PCNX1: variants seen among roughly 807,000 people sequenced by gnomAD.
PCNX1 encodes the protein pecanex 1, also known as pecanex-like protein 1.
In PCNX1, 78 loss-of-function variants were observed where a neutral mutation model predicts 242.2. The observed-to-expected ratio is 0.32, with a 90% CI of 0.27 to 0.39. The LOEUF (loss-of-function observed/expected upper bound fraction) is 0.39. PCNX1 is among the 10% of genes least tolerant of loss of function. The pLI is 1.00. For synonymous variants in PCNX1, 1,024 were observed against 1,032.9 expected (o/e 0.99, Z 0.17); for missense variants, 2,581 against 2,856.5 (o/e 0.90, Z 2.20).
At chr14:71,053,353 A>G (rs534140872) in intron 24 of PCNX1, 13 of 441,054 alleles carry the variant, frequency 2.9e-5, no homozygotes, top group Non-Finnish European at 5.4e-5. Context: ...ACTCACTGCA[A>G]CCTCCGCCTC....
At chr14:70,920,206 TC>T (rs2056324351) in intron 1 of PCNX1, among the ~76,000 whole-genome samples, 1 of 152,206 alleles carries the variant, frequency 6.6e-6, no homozygotes, top group Non-Finnish European at 1.5e-5. Context: ...CCCAGTGTCC[TC>T]TAATACTAAA....
At chr14:71,066,633 G>A (rs946240862) in intron 26 of PCNX1, among the ~76,000 whole-genome samples, 3 of 152,044 alleles carry the variant, frequency 2.0e-5, no homozygotes, top group East Asian at 1.9e-4. Context: ...TGTCCAGAAC[G>A]TCCAATAGTG....
intron 6 of PCNX1, among the ~76,000 whole-genome samples, chr14:70,986,843 T>C (rs2059016288): frequency 2.6e-5 from 4 of 152,246 alleles, no homozygotes; most frequent in Admixed American, 2.6e-4. Flanking sequence ...TAATGCTTTA[T>C]AAATAATAGC....
intron 1 of PCNX1, among the ~76,000 whole-genome samples, chr14:70,910,063 CCCCT>C (rs2055777794): frequency 1.0e-5 from 1 of 98,306 alleles, no homozygotes; most frequent in African/African-American, 3.9e-5. Context: ...CCTCCTCCTC[CCCCT>C]CCTCCTCCTC....
intron 1 of PCNX1, among the ~76,000 whole-genome samples, chr14:70,916,237 G>A (rs960433757): frequency 1.2e-4 from 18 of 152,146 alleles, no homozygotes; most frequent in African/African-American, 3.1e-4. Context: ...TCAGAGTGTC[G>A]AAGAGGAATG....
At chr14:71,081,438 G>A (rs1254570005) in intron 28 of PCNX1, among the ~76,000 whole-genome samples, 1 of 152,172 alleles carries the variant, frequency 6.6e-6, no homozygotes, top group African/African-American at 2.4e-5. Flanking sequence ...GTTTCAGAAG[G>A]AATGGTACCA....
intron 13 of PCNX1, among the ~76,000 whole-genome samples, chr14:71,023,614 C>T (rs1429683662): frequency 6.6e-6 from 1 of 152,034 alleles, no homozygotes; most frequent in African/African-American, 2.4e-5. Context: ...TATATTATTT[C>T]ACTTGAGTAA....
chr14:70,920,232 T>C (rs749103746), intron 1 of PCNX1, among the ~76,000 whole-genome samples: 6 of 152,216 alleles, frequency 3.9e-5, no homozygotes, highest in Non-Finnish European at 7.3e-5. Context: ...TACATAACCA[T>C]GGTTTCAAAA....
At chr14:71,060,250 C>T (rs2061292090) in intron 26 of PCNX1, among the ~76,000 whole-genome samples, 1 of 152,162 alleles carries the variant, frequency 6.6e-6, no homozygotes, top group South Asian at 2.1e-4. Context: ...CAAAACTATG[C>T]TACTGGTCAT....
Position 70,907,644 on chromosome 14 carries a change from T to A in PCNX1, c.-207T>A. 2 of 355,984 alleles carry A rather than the reference T, an allele frequency of 5.6e-6. No individual in the cohort carries two copies. Among genetic ancestry groups the A allele is most frequent in the Non-Finnish European group, 8.5e-6 (2 of 235,486 alleles). The allele number at this position is 355,984 out of a possible 1,614,324, so 22.1% of individuals were successfully genotyped here. On this transcript the variant is annotated 5_prime_UTR_variant, in exon 1 of 36. Coordinates refer to ENST00000304743, the MANE Select transcript of PCNX1 (RefSeq NM_014982.3). Reference sequence around the variant, plus strand: ...GTCCTCCGCCCCGCCGCTCGCCGCCTCCTCCTCTCGGGTCTCCTCCTCCTC... The same window carrying A: ...GTCCTCCGCCCCGCCGCTCGCCGCCACCTCCTCTCGGGTCTCCTCCTCCTC...
chr14:71,036,274 G>T, intron 19 of PCNX1, 117 bp downstream of exon 19: 1 of 673,560 alleles, frequency 1.5e-6, no homozygotes, highest in South Asian at 1.9e-5. Flanking sequence ...GAATCCCTGG[G>T]CTCAAGTGAT....
intron 8 of PCNX1, among the ~76,000 whole-genome samples, chr14:71,007,961 G>A (rs2059713157): frequency 6.6e-6 from 1 of 151,974 alleles, no homozygotes; most frequent in Admixed American, 6.5e-5. Context: ...TAAAAGATGG[G>A]GGTGGGGAGT....
At chr14:70,909,618 G>A (rs2055733587) in intron 1 of PCNX1, among the ~76,000 whole-genome samples, 1 of 152,214 alleles carries the variant, frequency 6.6e-6, no homozygotes. Context: ...GTAGTAAACT[G>A]TGTGGTCATG....
At chr14:70,948,034 A>G (rs1437105978) in intron 2 of PCNX1, among the ~76,000 whole-genome samples, 1 of 152,186 alleles carries the variant, frequency 6.6e-6, no homozygotes. Flanking sequence ...AATTGTAGGC[A>G]GACTGGTTCT....
intron 30 of PCNX1, among the ~76,000 whole-genome samples, chr14:71,094,364 T>A (rs1445659933): frequency 1.3e-5 from 2 of 152,222 alleles, no homozygotes; most frequent in Non-Finnish European, 2.9e-5. Flanking sequence ...CAGTAGTGGT[T>A]ACCTGGGTAT....
intron 30 of PCNX1, chr14:71,093,635 T>C (rs8003227): frequency 0.37 from 55,655 of 152,020 alleles, 10,459 homozygotes; most frequent in East Asian, 0.62. Flanking sequence ...GAAACATTCT[T>C]AAAGAAATGA....
At chr14:71,008,066 A>C (rs2059715769) in intron 8 of PCNX1, among the ~76,000 whole-genome samples, 1 of 152,144 alleles carries the variant, frequency 6.6e-6, no homozygotes, top group Non-Finnish European at 1.5e-5. Flanking sequence ...ACTTAGGAGT[A>C]TATTATTCGA....
At chr14:71,000,387 T>G (rs2059468089) in intron 8 of PCNX1, among the ~76,000 whole-genome samples, 1 of 152,196 alleles carries the variant, frequency 6.6e-6, no homozygotes, top group Non-Finnish European at 1.5e-5. Flanking sequence ...TCCAGTCTTT[T>G]AAAATGTACA....
At chr14:71,091,398 C>A (rs2062126394) in intron 30 of PCNX1, among the ~76,000 whole-genome samples, 1 of 152,294 alleles carries the variant, frequency 6.6e-6, no homozygotes, top group African/African-American at 2.4e-5. Flanking sequence ...AACAATTCTA[C>A]TTCTAGATGT....
Sources: gnomAD v4.1 joint callset for allele counts (sites outside exome capture counted in the v4.1 genomes callset) on GRCh38, gnomAD v4.1.1 for gene constraint, MANE v1.5 for transcripts, NCBI Gene and HGNC (gene_info 2026-07-23, HGNC 2026-07-21) for gene names.